The following HERC6 variants were observed in gnomAD, a reference collection of about 807,000 sequenced individuals.
HERC6 encodes the protein probable E3 ubiquitin-protein ligase HERC6.
Under a neutral mutation model 114.5 loss-of-function variants are expected in HERC6, and 101 were observed. The ratio of observed to expected loss-of-function variants is 0.88; its 90% CI spans 0.75 to 1.04. The LOEUF is 1.04. Among genes scored for constraint, HERC6 ranks in the 50% least tolerant of loss-of-function variants. The pLI is 0.00. For synonymous variants in HERC6, 408 were observed against 436.2 expected, an observed-to-expected ratio of 0.94 and a Z score of 0.81; for missense variants, 1,133 against 1,230.9, an observed-to-expected ratio of 0.92 and a Z score of 1.19.
At chr4:88,405,041 G>A in intron 9 of HERC6, 44 bp downstream of exon 9, 2 of 1,592,074 alleles carry the variant, frequency 1.3e-6, no homozygotes, top group Non-Finnish European at 1.7e-6. Flanking sequence ...ATCTGGTTCT[G>A]GGGCTTTGGT....
intron 19 of HERC6, 90 bp downstream of exon 19, chr4:88,437,061 T>G: frequency 1.4e-5 from 5 of 358,928 alleles, no homozygotes; most frequent in Admixed American, 5.4e-5. Context: ...TTGGGATCCC[T>G]TTTTTTTTTT....
chr4:88,431,314 T>C lies in HERC6; in HGVS notation c.2250+9T>C, dbSNP rs774392692. 11 of 1,583,560 alleles carry C rather than the reference T, an allele frequency of 6.9e-6. No homozygotes were observed. In the South Asian group the frequency reaches 1.1e-4, roughly 15 times the overall value. On this transcript the variant is annotated intron_variant, in intron 17 of 22. Transcript: ENST00000264346. ...TGTGGTTTCCTGCCAAGGTAAGTCT[T>C]TTCTTTTTTTTTTTTCCCCCAGAAC...
At chr4:88,390,565 C>A in intron 3 of HERC6, 87 bp from the exon 4 acceptor site, 1 of 1,245,936 alleles carries the variant, frequency 8.0e-7, no homozygotes, top group Non-Finnish European at 1.1e-6. Context: ...ATTAAAGCCA[C>A]AAAAAAGATT....
chr4:88,433,698 G>A (rs990015369), intron 17 of HERC6, among the ~76,000 whole-genome samples: 3 of 152,152 alleles, frequency 2.0e-5, no homozygotes, highest in African/African-American at 7.2e-5. Flanking sequence ...AGAACTCTAA[G>A]AAATACATTC....
chr4:88,441,138 A>C (rs1578443192), intron 22 of HERC6, among the ~76,000 whole-genome samples: 1 of 152,032 alleles, frequency 6.6e-6, no homozygotes, highest in East Asian at 1.9e-4. Context: ...GCTGGCTCCT[A>C]AGCCTTTTAT....
chr4:88,437,773 A>G lies in HERC6; in HGVS notation c.2547A>G (p.Gln849=). 1 of 1,604,724 alleles carries G rather than the reference A, an allele frequency of 6.2e-7. No homozygotes were observed. The highest frequency in any genetic ancestry group is 8.5e-7 in the Non-Finnish European group (1 of 1,174,072). Residue 849 remains glutamine (Q), a synonymous_variant, in exon 20 of 23, where the codon CAA becomes CAG. Transcript: ENST00000264346. ...ATGGGATCTCCATACCTGTGGACCA[A>G]ACCAACAAGTAAGTTTTGACAGCTA... The part of the protein sequence containing the change: ...IPNGISIPVD[Q]TNKRDYVSKY...
At chr4:88,427,080 G>A (rs1290693056) in intron 15 of HERC6, among the ~76,000 whole-genome samples, 2 of 152,134 alleles carry the variant, frequency 1.3e-5, no homozygotes, top group African/African-American at 4.8e-5. Context: ...GAAAGACTAG[G>A]AAAAGTCTGA....
intron 7 of HERC6, 96 bp downstream of exon 7, chr4:88,397,083 G>A (rs1735275737): frequency 2.0e-6 from 2 of 1,010,722 alleles, no homozygotes; most frequent in Non-Finnish European, 2.8e-6. Context: ...CAGAACTGTA[G>A]TTCCCCTAGT....
chr4:88,419,568 A>G (rs563407598), intron 13 of HERC6, among the ~76,000 whole-genome samples: 7 of 152,296 alleles, frequency 4.6e-5, no homozygotes, highest in East Asian at 3.9e-4. Flanking sequence ...TATGCATGCA[A>G]GTTACCTGAG....
chr4:88,397,854 T>C (rs1275104105), intron 7 of HERC6, among the ~76,000 whole-genome samples: 1 of 152,192 alleles, frequency 6.6e-6, no homozygotes, highest in Non-Finnish European at 1.5e-5. Flanking sequence ...ATATATTTAA[T>C]CAAATCTCTT....
chr4:88,433,499 T>A (rs1016632347), intron 17 of HERC6, among the ~76,000 whole-genome samples: 2 of 152,044 alleles, frequency 1.3e-5, no homozygotes, highest in Admixed American at 1.3e-4. Flanking sequence ...GATTAATGAG[T>A]AATGGATTAA....
chr4:88,384,042 AC>A (rs1734454791), intron 2 of HERC6, among the ~76,000 whole-genome samples: 1 of 152,072 alleles, frequency 6.6e-6, no homozygotes, highest in Admixed American at 6.6e-5. Context: ...TCTTACCTGA[AC>A]TTCCTTTATC....
chr4:88,432,230 A>G (rs183082165), intron 17 of HERC6, among the ~76,000 whole-genome samples: 52 of 152,256 alleles, frequency 3.4e-4, no homozygotes, highest in African/African-American at 1.2e-3. Flanking sequence ...AACTATTAAT[A>G]TAAATGAATT....
At chr4:88,415,538 G>A (rs1233013698) in intron 12 of HERC6, among the ~76,000 whole-genome samples, 1 of 152,184 alleles carries the variant, frequency 6.6e-6, no homozygotes, top group Non-Finnish European at 1.5e-5. Context: ...TACTGACAAA[G>A]GATGTATCAA....
chr4:88,394,202 T>C (rs1426630452), intron 5 of HERC6, among the ~76,000 whole-genome samples: 1 of 152,080 alleles, frequency 6.6e-6, no homozygotes, highest in Non-Finnish European at 1.5e-5. Context: ...TAGCTGGGTG[T>C]GGTGGCTCAT....
At position 88,413,232 on chromosome 4, in the gene HERC6, G is replaced by GTGTGAAA; in HGVS notation, c.1527_1533dup (p.Ser512Ter). On this transcript the variant is annotated frameshift_variant, in exon 12 of 23. Coordinates refer to ENST00000264346, the MANE Select transcript of HERC6 (RefSeq NM_017912.4). LOFTEE classifies it high-confidence loss of function. ...TGGTGGTTCCATTTGCAAAGGCTGT[G>GTGTGAAA]TGTGAAATGAGTAAACAATCTTTGC... 2 of 1,613,274 alleles carry GTGTGAAA rather than the reference G, an allele frequency of 1.2e-6. No homozygotes were observed. The highest frequency in any genetic ancestry group is 1.7e-6 in the Non-Finnish European group (2 of 1,179,578).
chr4:88,409,012 G>A lies in HERC6; in HGVS notation c.1368+395G>A, dbSNP rs866965680. On this transcript the variant is annotated intron_variant, in intron 11 of 22. Coordinates refer to ENST00000264346, the MANE Select transcript of HERC6 (RefSeq NM_017912.4). ...GTTCCTGGGTGGGGGCCACAGGACT[G>A]GCTGATGGGTCCAGGTGGGACCATC... 5.3e-5 allele frequency among the ~76,000 whole-genome samples: 8 copies of A among 152,284 alleles called. No homozygotes were observed. The South Asian group carries it at 1.2e-3, about 24-fold the overall frequency.
At chr4:88,420,418 G>A (rs1007194230) in intron 13 of HERC6, among the ~76,000 whole-genome samples, 2 of 152,120 alleles carry the variant, frequency 1.3e-5, no homozygotes, top group Admixed American at 6.5e-5. Context: ...TGACCTGGTA[G>A]TGAAATGAAT....
rs1739464827 is a variant in HERC6, at chr4:88,442,807, C to A, written c.*347C>A. 7.1e-6 allele frequency: 2 copies of A among 280,746 alleles called. No individual in the cohort carries two copies. Among genetic ancestry groups the A allele is most frequent in the Admixed American group, 9.3e-5 (2 of 21,510 alleles). 17.4% of individuals were successfully genotyped at this position (280,746 alleles called of 1,614,324 possible). ...GCCATGGGCCAGACCTGCACTCTGG[C>A]CAATGATTGGTTCATTCCAGGACAT... On this transcript the variant is annotated 3_prime_UTR_variant, in exon 23 of 23. Coordinates refer to ENST00000264346, the MANE Select transcript of HERC6 (RefSeq NM_017912.4).
Sources: gnomAD v4.1 joint callset for allele counts (sites outside exome capture counted in the v4.1 genomes callset) on GRCh38, gnomAD v4.1.1 for gene constraint, MANE v1.5 for transcripts, NCBI Gene and HGNC (gene_info 2026-07-23, HGNC 2026-07-21) for gene names.